The following VAT1L variants were observed in gnomAD, a reference collection of about 807,000 sequenced individuals.
VAT1L encodes putative NADPH-dependent quinone oxidoreductase VAT1L.
In VAT1L, 34 loss-of-function variants were observed where a neutral mutation model predicts 44.1. The observed-to-expected ratio is 0.77, with a 90% CI of 0.59 to 1.03. The LOEUF (loss-of-function observed/expected upper bound fraction) is 1.03. VAT1L is among the 50% of genes least tolerant of loss of function. The probability of loss-of-function intolerance (pLI) is 0.00; values close to 1 mark genes in which losing one functional copy is unlikely to be tolerated. For missense variants in VAT1L, 615 were observed against 538.8 expected, an observed-to-expected ratio of 1.14 and a Z score of -1.40; for synonymous variants, 253 against 202.2, an observed-to-expected ratio of 1.25 and a Z score of -2.13.
At chr16:77,913,624 G>A (rs1385074461) in intron 7 of VAT1L, among the ~76,000 whole-genome samples, 1 of 152,002 alleles carries the variant, frequency 6.6e-6, no homozygotes, top group Non-Finnish European at 1.5e-5. Flanking sequence ...ATCTTGCAAT[G>A]TCCCAGGGCT....
intron 7 of VAT1L, among the ~76,000 whole-genome samples, chr16:77,951,120 C>T (rs1323951431): frequency 6.6e-6 from 1 of 152,158 alleles, no homozygotes; most frequent in East Asian, 1.9e-4. Context: ...TGGAAAGATA[C>T]GTTGGCTGCA....
intron 4 of VAT1L, among the ~76,000 whole-genome samples, chr16:77,870,230 G>T (rs1470210479): frequency 6.6e-6 from 1 of 152,138 alleles, no homozygotes; most frequent in African/African-American, 2.4e-5. Context: ...TCTATAAGAA[G>T]CCTATCGCGT....
Position 77,884,641 on chromosome 16 carries a change from C to T in VAT1L, c.916C>T (p.Leu306=). The stretch of plus-strand genomic sequence containing the variant: ...GGTGGAGAAGGTGAACCCCATCAAG[C>T]TGTATGAGGAGAACAAAGTCATCGC... ...WQVEKVNPIK[L]YEENKVIAGF... The change falls in exon 7 of 9, where the codon CTG becomes TTG. Residue 306 remains leucine, a synonymous_variant. Coordinates refer to ENST00000302536, the MANE Select transcript of VAT1L (RefSeq NM_020927.3). The surrounding 1 kb of genome is among the most constrained non-coding windows in gnomAD (Gnocchi z 4.5). 6.2e-7 allele frequency: 1 copy of T among 1,613,618 alleles called. No individual in the cohort carries two copies. The highest frequency in any genetic ancestry group is 8.5e-7 in the Non-Finnish European group (1 of 1,179,862).
chr16:77,935,523 T>A lies in VAT1L; in HGVS notation c.1078-36327T>A, dbSNP rs915974350. Among the ~76,000 whole-genome samples the A allele has an allele frequency of 3.3e-5, 5 of 149,340 alleles. No individual in the cohort carries two copies. In the South Asian group the frequency reaches 1.1e-3, roughly 32 times the overall value. On this transcript the variant is annotated intron_variant, in intron 7 of 8. Transcript: ENST00000302536. ...ATAAAAAAAAAAAAAAAAACTACCC[T>A]TATTCCAAATTTAAGAGGCAGAGAG...
rs2018369727 is a variant in VAT1L, at chr16:77,978,899, G to A, written c.*1204G>A. 1 of 152,138 alleles carries A rather than the reference G, an allele frequency of 6.6e-6. No individual in the cohort carries two copies. The highest frequency in any genetic ancestry group is 2.4e-5 in the African/African-American group (1 of 41,430). The allele number at this position is 152,138 out of a possible 1,614,324, so 9.4% of individuals were successfully genotyped here. ...TTGAGAGGTGAATACAGTTACCTTC[G>A]AGAAACAGAGGGAGCTCCTCACCCC... On this transcript the variant is annotated 3_prime_UTR_variant, in exon 9 of 9. Transcript: ENST00000302536.
intron 1 of VAT1L, 112 bp downstream of exon 1, chr16:77,789,027 C>T (rs569280523): frequency 3.2e-6 from 4 of 1,262,250 alleles, no homozygotes; most frequent in Non-Finnish European, 4.2e-6. Flanking sequence ...CGCGCGCACC[C>T]CCTCCGCGCC....
intron 7 of VAT1L, among the ~76,000 whole-genome samples, chr16:77,960,207 G>C (rs75111675): frequency 2.0e-5 from 3 of 152,022 alleles, no homozygotes; most frequent in African/African-American, 7.2e-5. Context: ...AGCTTAGGGG[G>C]TCTTGTAGGG....
At chr16:77,972,139 G>C (rs1347549412) in intron 8 of VAT1L, among the ~76,000 whole-genome samples, 4 of 152,140 alleles carry the variant, frequency 2.6e-5, no homozygotes, top group Non-Finnish European at 5.9e-5. Flanking sequence ...GCTTCAGTGA[G>C]AGCATATCAA....
chr16:77,808,656 C>T (rs779164356), intron 1 of VAT1L, among the ~76,000 whole-genome samples: 4 of 152,040 alleles, frequency 2.6e-5, no homozygotes, highest in Non-Finnish European at 4.4e-5. Context: ...AGTGCAATGG[C>T]GCAATCTTAG....
At chr16:77,916,160 G>C (rs574289025) in intron 7 of VAT1L, among the ~76,000 whole-genome samples, 1 of 152,286 alleles carries the variant, frequency 6.6e-6, no homozygotes, top group South Asian at 2.1e-4. Flanking sequence ...ACGAAAGGGG[G>C]CCAAGGGCAG....
intron 7 of VAT1L, among the ~76,000 whole-genome samples, chr16:77,937,186 T>C (rs1358296281): frequency 2.6e-5 from 4 of 152,190 alleles, no homozygotes; most frequent in African/African-American, 9.7e-5. Context: ...CTGCCCAACC[T>C]GAGGGTTTTG....
intron 1 of VAT1L, among the ~76,000 whole-genome samples, chr16:77,807,047 T>A (rs896099825): frequency 6.6e-6 from 1 of 152,182 alleles, no homozygotes; most frequent in African/African-American, 2.4e-5. Context: ...AAGGTCTCAT[T>A]CTCTTTCCTG....
chr16:77,841,673 G>C (rs1016963298), intron 3 of VAT1L, among the ~76,000 whole-genome samples: 2 of 152,190 alleles, frequency 1.3e-5, no homozygotes, highest in African/African-American at 4.8e-5. Context: ...TTCTGACAAA[G>C]GGAGAAAGGT....
At chr16:77,901,024 C>G (rs913080253) in intron 7 of VAT1L, among the ~76,000 whole-genome samples, 2 of 151,982 alleles carry the variant, frequency 1.3e-5, no homozygotes, top group Non-Finnish European at 2.9e-5. Flanking sequence ...TGGCAAGCAT[C>G]AAGTTCAAAA....
At chr16:77,880,244 C>A (rs1007885898) in intron 6 of VAT1L, among the ~76,000 whole-genome samples, 5 of 152,098 alleles carry the variant, frequency 3.3e-5, no homozygotes, top group Non-Finnish European at 7.4e-5. Flanking sequence ...GCAACCTCCA[C>A]CTCCTGGGCT....
Position 77,879,245 on chromosome 16 carries a change from G to T in VAT1L, c.882+21G>T. The T allele has an allele frequency of 1.2e-6, 2 of 1,612,202 alleles. No individual in the cohort carries two copies. Among genetic ancestry groups the T allele is most frequent in the Non-Finnish European group, 1.7e-6 (2 of 1,178,280 alleles). Reference sequence around the variant, plus strand: ...AATCAGTAAGTATCCAGGCACATCTGATGTACTGTGGTGGCATGTTGATTC... The same window carrying T: ...AATCAGTAAGTATCCAGGCACATCTTATGTACTGTGGTGGCATGTTGATTC... On this transcript the variant is annotated intron_variant, in intron 6 of 8. Transcript: ENST00000302536. The surrounding 1 kb of genome is among the most constrained non-coding windows in gnomAD (Gnocchi z 4.1).
At chr16:77,856,424 G>A (rs944148548) in intron 3 of VAT1L, among the ~76,000 whole-genome samples, 2 of 151,980 alleles carry the variant, frequency 1.3e-5, no homozygotes, top group Non-Finnish European at 2.9e-5. Context: ...ATTTCAACTG[G>A]GCCCCATCCC....
At chr16:77,923,119 C>T (rs956926926) in intron 7 of VAT1L, among the ~76,000 whole-genome samples, 2 of 152,170 alleles carry the variant, frequency 1.3e-5, no homozygotes, top group African/African-American at 2.4e-5. Context: ...ACCCCCCGAA[C>T]CTCGGCTTCT....
intron 1 of VAT1L, among the ~76,000 whole-genome samples, chr16:77,804,659 C>G (rs2016123364): frequency 6.6e-6 from 1 of 152,152 alleles, no homozygotes; most frequent in South Asian, 2.1e-4. Flanking sequence ...GAGTTTGTCC[C>G]TGGGATTCTA....
Sources: gnomAD v4.1 joint callset for allele counts (sites outside exome capture counted in the v4.1 genomes callset) on GRCh38, gnomAD v4.1.1 for gene constraint, Gnocchi (gnomAD v3.1) non-coding constraint, MANE v1.5 for transcripts, NCBI Gene and HGNC (gene_info 2026-07-23, HGNC 2026-07-21) for gene names.